Variants in ELP2 observed in about 807,000 individuals in gnomAD.
ELP2 encodes elongator acetyltransferase complex subunit 2, also known as elongator complex protein 2.
ELP2 carries 90 observed loss-of-function variants against 119.2 expected under a neutral mutation model. The ratio of observed to expected loss-of-function variants is 0.75; its 90% CI spans 0.64 to 0.90. The LOEUF (loss-of-function observed/expected upper bound fraction) is 0.90, where lower values mean the gene tolerates loss of function less well. Among genes scored for constraint, ELP2 ranks in the 40% least tolerant of loss-of-function variants. The pLI, the probability that ELP2 is intolerant of heterozygous loss-of-function variation, is 0.00. For missense variants in ELP2, 921 were observed against 967.8 expected (o/e 0.95, Z 0.64); for synonymous variants, 339 against 331.0 (o/e 1.02, Z -0.26).
At chr18:36,139,012 C>T (rs2089929813) in intron 5 of ELP2, 140 bp downstream of exon 5, 2 of 730,246 alleles carry the variant, frequency 2.7e-6, no homozygotes, top group Non-Finnish European at 4.8e-6. Flanking sequence ...ACATACTTTC[C>T]TTATAATATT....
At position 36,174,853 on chromosome 18, in the gene ELP2, T is replaced by TGC. The variant is rs776299652; in HGVS notation, c.*212_*213insGC. The stretch of plus-strand genomic sequence containing the variant: ...CTGGGACTAGAGGCACACCACCAAT[T>TGC]CCGGCTAATTTTTGTATTTTTAGTA... On this transcript the variant is annotated 3_prime_UTR_variant, in exon 22 of 22. Coordinates refer to ENST00000358232, the MANE Select transcript of ELP2 (RefSeq NM_018255.4). The TGC allele has an allele frequency of 0.96, 513,509 of 532,606 alleles. 249,544 individuals carry two copies. Among genetic ancestry groups the TGC allele is most frequent in the Non-Finnish European group, 1 (299,011 of 299,296 alleles). The allele number at this position is 532,606 out of a possible 1,614,324, so 33.0% of individuals were successfully genotyped here. A position where few individuals can be genotyped will look rare whatever the true frequency, so the allele number is the denominator to read the frequency against.
chr18:36,142,157 C>A, intron 6 of ELP2, 124 bp from the exon 7 acceptor site: 1 of 797,680 alleles, frequency 1.3e-6, no homozygotes, highest in Non-Finnish European at 2.2e-6. Context: ...TTTTTCTTGT[C>A]TAATCAAATA....
chr18:36,168,585 C>A (rs962224173), intron 19 of ELP2, among the ~76,000 whole-genome samples: 1 of 152,114 alleles, frequency 6.6e-6, no homozygotes, highest in African/African-American at 2.4e-5. Context: ...CGTGAGAACT[C>A]ACTCACTATC....
At chr18:36,130,451 A>T (rs2089568241) in intron 1 of ELP2, among the ~76,000 whole-genome samples, 1 of 152,210 alleles carries the variant, frequency 6.6e-6, no homozygotes, top group African/African-American at 2.4e-5. Context: ...CCACAGGTGC[A>T]ATCTCATTTC....
At chr18:36,171,190 G>T (rs1381184971) in intron 21 of ELP2, 30 bp downstream of exon 21, 1 of 1,539,212 alleles carries the variant, frequency 6.5e-7, no homozygotes, top group African/African-American at 1.4e-5. Context: ...GTTTCCATCA[G>T]ATTAACTAGA....
At chr18:36,143,154 G>A (rs2090090363) in intron 8 of ELP2, among the ~76,000 whole-genome samples, 188 bp downstream of exon 8, 1 of 151,156 alleles carries the variant, frequency 6.6e-6, no homozygotes, top group African/African-American at 2.4e-5. Flanking sequence ...GGAGTGCAGT[G>A]GCGTGAGCTT....
At chr18:36,138,496 C>G in intron 4 of ELP2, 70 bp downstream of exon 4, 1 of 1,482,504 alleles carries the variant, frequency 6.7e-7, no homozygotes, top group Non-Finnish European at 9.3e-7. Context: ...AGTAGAAGAG[C>G]ATATATATAA....
At position 36,180,323 on chromosome 18, in the gene ELP2, A is replaced by T. The variant is rs1035745566; in HGVS notation, c.*5682A>T. 6.6e-6 allele frequency: 1 copy of T among 152,238 alleles called. No individual in the cohort carries two copies. The highest frequency in any genetic ancestry group is 1.5e-5 in the Non-Finnish European group (1 of 68,044). 9.4% of individuals were successfully genotyped at this position (152,238 alleles called of 1,614,324 possible). On this transcript the variant is annotated 3_prime_UTR_variant, in exon 22 of 22. Transcript: ENST00000358232. ...TGTTGTGGCCATACCGAGCTTCAGG[A>T]GAAGCTGGGAAATTAAATCTTTATT... is the stretch of plus-strand genomic sequence containing the variant.
In ELP2 at chr18:36,164,826, C is replaced by T. The variant is rs946128302; in HGVS notation, c.1954+159C>T. On this transcript the variant is annotated intron_variant, in intron 18 of 21. Coordinates refer to ENST00000358232, the MANE Select transcript of ELP2 (RefSeq NM_018255.4). ...TCTTGGATAACTGAGGAAGACTTGA[C>T]CTTCCTTGTAAGATTTAAATGGAGA... The T allele has an allele frequency of 1.0e-5, 7 of 693,642 alleles. 1 individual carries two copies. In the Middle Eastern group the frequency reaches 2.4e-3, roughly 235 times the overall value. The allele number at this position is 693,642 out of a possible 1,614,324, so 43.0% of individuals were successfully genotyped here. A position where few individuals can be genotyped will look rare whatever the true frequency, so the allele number is the denominator to read the frequency against.
intron 21 of ELP2, among the ~76,000 whole-genome samples, chr18:36,173,088 C>A (rs537695872): frequency 2.2e-4 from 34 of 152,220 alleles, no homozygotes; most frequent in African/African-American, 7.9e-4. Context: ...AAAAAGAAAC[C>A]CACTATCTCA....
intron 17 of ELP2, among the ~76,000 whole-genome samples, chr18:36,161,662 T>C (rs2090746607): frequency 1.3e-5 from 2 of 152,218 alleles, no homozygotes; most frequent in Admixed American, 1.3e-4. Flanking sequence ...AACCCACACA[T>C]TCGTCTTAAA....
At position 36,175,469 on chromosome 18, in the gene ELP2, T is replaced by C. The variant is rs1450223507; in HGVS notation, c.*828T>C. The C allele has an allele frequency of 6.6e-6, 1 of 152,214 alleles. No homozygotes were observed. Among genetic ancestry groups the C allele is most frequent in the African/African-American group, 2.4e-5 (1 of 41,452 alleles). The allele number at this position is 152,214 out of a possible 1,614,324, so 9.4% of individuals were successfully genotyped here. On this transcript the variant is annotated 3_prime_UTR_variant, in exon 22 of 22. Transcript: ENST00000358232. ...GCAGCCAGTCATTTCTTTTATTCTT[T>C]AAAAGTACATAGATTTGTCTTTTTA...
chr18:36,159,173 C>T (rs571005859), intron 14 of ELP2, among the ~76,000 whole-genome samples: 4 of 149,072 alleles, frequency 2.7e-5, no homozygotes, highest in Admixed American at 1.3e-4. Context: ...AGTGCAGTGG[C>T]GCGATCTCAG....
At chr18:36,170,249 T>C (rs2091038457) in intron 20 of ELP2, 53 bp downstream of exon 20, 5 of 1,603,834 alleles carry the variant, frequency 3.1e-6, no homozygotes, top group Non-Finnish European at 4.3e-6. Flanking sequence ...TTTCTTAATA[T>C]GTAGCCCTCA....
chr18:36,139,996 C>T (rs2089966142), intron 5 of ELP2, among the ~76,000 whole-genome samples: 2 of 151,806 alleles, frequency 1.3e-5, no homozygotes, highest in South Asian at 2.1e-4. Flanking sequence ...AAGCATGCTC[C>T]ACCACGCCCA....
At chr18:36,135,713 G>A (rs754443797) in intron 2 of ELP2, among the ~76,000 whole-genome samples, 1 of 152,136 alleles carries the variant, frequency 6.6e-6, no homozygotes, top group Non-Finnish European at 1.5e-5. Context: ...TTCATATAAT[G>A]TTCCTGCCAA....
In ELP2 at chr18:36,145,449, C is replaced by T. The variant is rs546244752; in HGVS notation, c.892+415C>T. On this transcript the variant is annotated intron_variant, in intron 9 of 21. Coordinates refer to ENST00000358232, the MANE Select transcript of ELP2 (RefSeq NM_018255.4). ...ACTCCTTCTTTCTTTTGCCATTTAT[C>T]TCCATTTATAGAGTGACAGTTCTGT... The T allele has an allele frequency of 2.0e-5, 6 of 295,646 alleles. No homozygotes were observed. In the East Asian group the frequency reaches 3.6e-4, roughly 18 times the overall value. The allele number at this position is 295,646 out of a possible 1,614,324, so 18.3% of individuals were successfully genotyped here. A position where few individuals can be genotyped will look rare whatever the true frequency, so the allele number is the denominator to read the frequency against.
At chr18:36,155,142 A>G in intron 12 of ELP2, 143 bp downstream of exon 12, 1 of 689,726 alleles carries the variant, frequency 1.4e-6, no homozygotes, top group South Asian at 1.7e-5. Flanking sequence ...CCTCCCGAGT[A>G]GCTGGGATTA....
rs1473023203 is a variant in ELP2 at position 36,154,964 on chromosome 18, CTTT to C, written c.1243_1245del (p.Phe415del). ...TGTTGGTACTGATCAGACAACTAGA[CTTT>C]TTGCTCCATGGAAGAGAAAAGACCA... On this transcript the variant is annotated inframe_deletion, in exon 12 of 22. Transcript: ENST00000358232. The C allele has an allele frequency of 1.2e-6, 2 of 1,613,956 alleles. No homozygotes were observed. Among genetic ancestry groups the C allele is most frequent in the Non-Finnish European group, 8.5e-7 (1 of 1,179,836 alleles).
Sources: gnomAD v4.1 joint callset for allele counts (sites outside exome capture counted in the v4.1 genomes callset) on GRCh38, gnomAD v4.1.1 for gene constraint, MANE v1.5 for transcripts, NCBI Gene and HGNC (gene_info 2026-07-23, HGNC 2026-07-21) for gene names.